Variants in PPM1H observed in about 807,000 individuals in gnomAD.
PPM1H encodes protein phosphatase 1H.
Under a neutral mutation model 54.9 loss-of-function variants are expected in PPM1H, and 27 were observed. That is an observed-to-expected ratio of 0.49 (90% CI 0.36 to 0.68). The LOEUF (loss-of-function observed/expected upper bound fraction) is 0.68, where lower values mean the gene tolerates loss of function less well. PPM1H is among the 30% of genes least tolerant of loss of function. PPM1H has a pLI of 0.00. For missense variants in PPM1H, 596 were observed against 667.8 expected (o/e 0.89, Z 1.19); for synonymous variants, 305 against 270.8 (o/e 1.13, Z -1.24).
At chr12:62,792,274 C>G (rs77910630) in intron 3 of PPM1H, among the ~76,000 whole-genome samples, 2 of 152,246 alleles carry the variant, frequency 1.3e-5, no homozygotes, top group South Asian at 2.1e-4. Flanking sequence ...GTTAGCTTAC[C>G]CATTTAACCC....
In PPM1H at chr12:62,768,081, C is replaced by A. The variant is rs543584746; in HGVS notation, c.869+20145G>T. On this transcript the variant is annotated intron_variant, in intron 4 of 9. Coordinates refer to ENST00000228705, the MANE Select transcript of PPM1H (RefSeq NM_020700.2). ...AACATAACTTTTTGAGGGAACATAACAGTTCAAGACAACAGTATGTGTGAG... is the reference window on the plus strand; with the variant it reads ...AACATAACTTTTTGAGGGAACATAAAAGTTCAAGACAACAGTATGTGTGAG... Among the ~76,000 whole-genome samples the A allele has an allele frequency of 2.6e-5, 4 of 152,306 alleles. No homozygotes were observed. In the South Asian group the frequency reaches 8.3e-4, roughly 32 times the overall value.
chr12:62,899,210 T>C (rs1475723523), intron 1 of PPM1H, among the ~76,000 whole-genome samples: 1 of 152,130 alleles, frequency 6.6e-6, no homozygotes, highest in Non-Finnish European at 1.5e-5. Flanking sequence ...ATTTTTTTAT[T>C]AGCTATCTGA....
At chr12:62,690,807 A>G (rs982070618) in intron 7 of PPM1H, among the ~76,000 whole-genome samples, 1 of 152,116 alleles carries the variant, frequency 6.6e-6, no homozygotes, top group Non-Finnish European at 1.5e-5. Context: ...CCCCATCTCT[A>G]CGAAAAATAC....
At chr12:62,842,608 T>G (rs1445329704) in intron 1 of PPM1H, among the ~76,000 whole-genome samples, 1 of 152,198 alleles carries the variant, frequency 6.6e-6, no homozygotes, top group East Asian at 1.9e-4. Flanking sequence ...CCTCTGGTAT[T>G]TTTCTTTAAA....
chr12:62,776,815 G>C (rs537379895), intron 4 of PPM1H, among the ~76,000 whole-genome samples: 1 of 152,100 alleles, frequency 6.6e-6, no homozygotes, highest in Non-Finnish European at 1.5e-5. Context: ...TTATTACCTT[G>C]CTTAAACAAG....
In PPM1H at chr12:62,934,829, G is replaced by C. The variant is rs1048362418; in HGVS notation, c.-93C>G. ...GGGCATGCAGGCTGCGGTGGGCGCC[G>C]GGCGCACGGCGAGTCGGGCCACTGG... On this transcript the variant is annotated 5_prime_UTR_variant, in exon 1 of 10. Transcript: ENST00000228705. The surrounding 1 kb of genome is among the most constrained non-coding windows in gnomAD (Gnocchi z 4.2). The C allele has an allele frequency of 3.3e-6, 4 of 1,218,104 alleles. No individual in the cohort carries two copies. The highest frequency in any genetic ancestry group is 4.1e-6 in the Non-Finnish European group (4 of 966,150). 75.5% of individuals were successfully genotyped at this position (1,218,104 alleles called of 1,614,324 possible).
At chr12:62,737,468 C>A in intron 5 of PPM1H, 34 bp downstream of exon 5, 2 of 1,425,140 alleles carry the variant, frequency 1.4e-6, no homozygotes, top group East Asian at 2.5e-5. Context: ...ATCCCTGATG[C>A]CACTGCCCTC....
At chr12:62,721,099 G>A (rs2076261166) in intron 5 of PPM1H, 1 of 152,246 alleles carries the variant, frequency 6.6e-6, no homozygotes, top group African/African-American at 2.4e-5. Context: ...TTTCTTTTCT[G>A]GCAGGGAAAA....
At chr12:62,832,063 A>T in intron 2 of PPM1H, 51 bp downstream of exon 2, 2 of 1,583,986 alleles carry the variant, frequency 1.3e-6, no homozygotes, top group Non-Finnish European at 1.7e-6. Flanking sequence ...GTGGGACCAA[A>T]GTGTGTGCCA....
chr12:62,853,579 G>A (rs556205981), intron 1 of PPM1H, among the ~76,000 whole-genome samples: 19 of 152,208 alleles, frequency 1.2e-4, no homozygotes, highest in African/African-American at 2.2e-4. Flanking sequence ...TGTAGTTCTC[G>A]GTTTCCTGGC....
At chr12:62,716,706 T>C (rs1483294881) in intron 6 of PPM1H, among the ~76,000 whole-genome samples, 1 of 152,050 alleles carries the variant, frequency 6.6e-6, no homozygotes, top group South Asian at 2.1e-4. Context: ...TAAAAAAAAT[T>C]TGTTATAGAG....
intron 3 of PPM1H, among the ~76,000 whole-genome samples, chr12:62,799,134 C>A (rs2076751795): frequency 6.6e-6 from 1 of 152,012 alleles, no homozygotes; most frequent in Non-Finnish European, 1.5e-5. Context: ...GACTAAGTTT[C>A]CAAGAAAAAT....
intron 1 of PPM1H, among the ~76,000 whole-genome samples, chr12:62,930,761 C>A (rs183681258): frequency 3.3e-5 from 5 of 152,328 alleles, no homozygotes; most frequent in Admixed American, 3.3e-4. Context: ...ACAGGCTCAG[C>A]CACTGATTTC....
At chr12:62,826,778 G>T (rs1729431644) in intron 2 of PPM1H, among the ~76,000 whole-genome samples, 1 of 152,198 alleles carries the variant, frequency 6.6e-6, no homozygotes. Context: ...ATTCCAGAGG[G>T]ACTTCATGCA....
chr12:62,803,137 C>T (rs2076781867), intron 2 of PPM1H, among the ~76,000 whole-genome samples: 1 of 152,178 alleles, frequency 6.6e-6, no homozygotes, highest in African/African-American at 2.4e-5. Context: ...CAAATCTCCT[C>T]TTTATACTTC....
chr12:62,651,688 T>C (rs1466546804), intron 9 of PPM1H, among the ~76,000 whole-genome samples: 2 of 152,194 alleles, frequency 1.3e-5, no homozygotes, highest in Non-Finnish European at 2.9e-5. Flanking sequence ...GGTGCTTAAC[T>C]TCCTGAGGGA....
chr12:62,723,745 G>A (rs2076275648), intron 5 of PPM1H, among the ~76,000 whole-genome samples: 1 of 152,192 alleles, frequency 6.6e-6, no homozygotes, highest in Non-Finnish European at 1.5e-5. Flanking sequence ...CTGTGTGTGT[G>A]TGTAAATACA....
chr12:62,881,399 G>C (rs1193720398), intron 1 of PPM1H, among the ~76,000 whole-genome samples: 1 of 151,824 alleles, frequency 6.6e-6, no homozygotes. Flanking sequence ...AGGCAGAGAG[G>C]AGAGAGAGAT....
chr12:62,700,588 C>G (rs1358432243), intron 6 of PPM1H, among the ~76,000 whole-genome samples: 1 of 152,172 alleles, frequency 6.6e-6, no homozygotes, highest in African/African-American at 2.4e-5. Flanking sequence ...TCAACACCTT[C>G]CCTGCTGTCA....
Sources: gnomAD v4.1 joint callset for allele counts (sites outside exome capture counted in the v4.1 genomes callset) on GRCh38, gnomAD v4.1.1 for gene constraint, Gnocchi (gnomAD v3.1) non-coding constraint, MANE v1.5 for transcripts, NCBI Gene and HGNC (gene_info 2026-07-23, HGNC 2026-07-21) for gene names.